The following HDAC4 variants were observed in gnomAD, a reference collection of about 807,000 sequenced individuals.
The protein encoded by HDAC4 is histone deacetylase 4.
A neutral mutation model predicts 135.1 loss-of-function variants in HDAC4; 16 were observed. That is an observed-to-expected ratio of 0.12 (90% CI 0.08 to 0.18). HDAC4 has a LOEUF of 0.18. HDAC4 is among the 10% of genes least tolerant of loss of function. The pLI, the probability that HDAC4 is intolerant of heterozygous loss-of-function variation, is 1.00. For missense variants in HDAC4, 1,143 were observed against 1,511.8 expected (o/e 0.76, Z 4.05); for synonymous variants, 685 against 653.4 (o/e 1.05, Z -0.74).
At chr2:239,072,996 G>A (rs2034353184) in intron 22 of HDAC4, among the ~76,000 whole-genome samples, 1 of 152,190 alleles carries the variant, frequency 6.6e-6, no homozygotes, top group Non-Finnish European at 1.5e-5. Flanking sequence ...AGCACGCGGT[G>A]CCTGATCCTG....
chr2:239,343,387 G>C (rs911079013), intron 2 of HDAC4, among the ~76,000 whole-genome samples: 5 of 152,214 alleles, frequency 3.3e-5, no homozygotes, highest in African/African-American at 7.2e-5. Context: ...CCGGCAAAGA[G>C]AGCTCAGAGA....
At chr2:239,217,189 G>A (rs972499670) in intron 3 of HDAC4, among the ~76,000 whole-genome samples, 20 of 152,152 alleles carry the variant, frequency 1.3e-4, no homozygotes, top group African/African-American at 4.1e-4. Flanking sequence ...CAGCACAGGC[G>A]GTAGCAGGGT....
chr2:239,314,581 TG>T (rs1255747405), intron 2 of HDAC4, among the ~76,000 whole-genome samples: 1 of 152,220 alleles, frequency 6.6e-6, no homozygotes, highest in Non-Finnish European at 1.5e-5. Context: ...ATGATCCAAA[TG>T]GAACTTGTAG....
chr2:239,191,395 A>G (rs2044944347), intron 3 of HDAC4, among the ~76,000 whole-genome samples: 1 of 152,100 alleles, frequency 6.6e-6, no homozygotes, highest in African/African-American at 2.4e-5. Flanking sequence ...GAAAACCTGC[A>G]CTCCACAGTC....
intron 4 of HDAC4, among the ~76,000 whole-genome samples, chr2:239,185,567 G>C (rs568227801): frequency 6.6e-6 from 1 of 152,178 alleles, no homozygotes; most frequent in Admixed American, 6.5e-5. Context: ...CCCTGAGGTG[G>C]GTGCCGGGGC....
At chr2:239,153,558 G>T (rs1173441984) in intron 7 of HDAC4, among the ~76,000 whole-genome samples, 2 of 152,102 alleles carry the variant, frequency 1.3e-5, no homozygotes, top group Non-Finnish European at 2.9e-5. Flanking sequence ...TCTCTTAAGT[G>T]GTTTAAACGT....
At chr2:239,277,781 C>T (rs2050458857) in intron 2 of HDAC4, among the ~76,000 whole-genome samples, 1 of 152,222 alleles carries the variant, frequency 6.6e-6, no homozygotes, top group Non-Finnish European at 1.5e-5. Context: ...CTGCGTTCCA[C>T]AGCAACTCCA....
chr2:239,102,570 T>A, intron 16 of HDAC4: 1 of 597,356 alleles, frequency 1.7e-6, no homozygotes, highest in South Asian at 2.0e-5. Flanking sequence ...AGCCCAGTTT[T>A]TACACAAACA....
chr2:239,248,032 C>T (rs963759267), intron 2 of HDAC4, among the ~76,000 whole-genome samples: 3 of 152,174 alleles, frequency 2.0e-5, no homozygotes, highest in Non-Finnish European at 4.4e-5. Flanking sequence ...GCTCCCCCAG[C>T]GCCCATAACA....
At position 239,285,564 on chromosome 2, in the gene HDAC4, T is replaced by G. The variant is rs1464292190; in HGVS notation, c.23-48900A>C. ...TGGGTAAAAGGGGCTGAGAGAAAGC[T>G]GGCCAAAGGTTGGGCTTTTGAAGTA... On this transcript the variant is annotated intron_variant, in intron 2 of 26. Coordinates refer to ENST00000543185, the MANE Select transcript of HDAC4 (RefSeq NM_001378414.1). This position sits in a 1 kb window ranked among gnomAD's most constrained non-coding sequence, Gnocchi z 4.5. Among the ~76,000 whole-genome samples the G allele has an allele frequency of 6.6e-6, 1 of 152,188 alleles. No individual in the cohort carries two copies.
intron 3 of HDAC4, among the ~76,000 whole-genome samples, chr2:239,195,984 C>A (rs773111392): frequency 7.9e-5 from 12 of 152,186 alleles, no homozygotes; most frequent in Non-Finnish European, 1.3e-4. Context: ...GATTTCATGC[C>A]ATCATACAGA....
intron 5 of HDAC4, among the ~76,000 whole-genome samples, chr2:239,165,479 GGTCT>G (rs1449944514): frequency 6.6e-6 from 1 of 150,992 alleles, no homozygotes; most frequent in African/African-American, 2.5e-5. Context: ...TGGTGTTGTG[GGTCT>G]GTGTGTGTGT....
intron 2 of HDAC4, among the ~76,000 whole-genome samples, chr2:239,257,764 G>A (rs1487584794): frequency 2.6e-5 from 4 of 152,022 alleles, no homozygotes; most frequent in Non-Finnish European, 5.9e-5. Context: ...GCCTCAAACT[G>A]TCTCAACAGA....
intron 1 of HDAC4, among the ~76,000 whole-genome samples, chr2:239,387,187 G>A (rs1044111135): frequency 6.6e-6 from 1 of 152,232 alleles, no homozygotes; most frequent in African/African-American, 2.4e-5. Context: ...AACTTCAGTG[G>A]GAGCTAAAGA....
At chr2:239,116,382 C>T (rs1361404902) in intron 12 of HDAC4, among the ~76,000 whole-genome samples, 1 of 152,230 alleles carries the variant, frequency 6.6e-6, no homozygotes, top group Admixed American at 6.5e-5. Context: ...GCTATTGGGA[C>T]CTCTCTCTGG....
intron 2 of HDAC4, among the ~76,000 whole-genome samples, chr2:239,304,129 C>T (rs2052435816): frequency 6.6e-6 from 1 of 152,222 alleles, no homozygotes; most frequent in Non-Finnish European, 1.5e-5. Context: ...TCTGAGTCAG[C>T]TTTCTTACCT....
At chr2:239,079,721 CGTGT>C (rs747106793) in intron 22 of HDAC4, among the ~76,000 whole-genome samples, 14 of 151,982 alleles carry the variant, frequency 9.2e-5, no homozygotes, top group Non-Finnish European at 1.8e-4. Flanking sequence ...CACAAGCACA[CGTGT>C]GTGTACTCAT....
chr2:239,126,749 G>C, intron 11 of HDAC4, 55 bp from the exon 12 acceptor site: 31 of 1,527,314 alleles, frequency 2.0e-5, no homozygotes, highest in African/African-American at 4.1e-5. Context: ...AGAGAGGAGG[G>C]AGAGAGGGCT....
At chr2:239,255,874 G>C (rs775826612) in intron 2 of HDAC4, among the ~76,000 whole-genome samples, 1 of 152,170 alleles carries the variant, frequency 6.6e-6, no homozygotes, top group Non-Finnish European at 1.5e-5. Context: ...CCCGTCTTTG[G>C]AAACAGCTAC....
Sources: gnomAD v4.1 joint callset for allele counts (sites outside exome capture counted in the v4.1 genomes callset) on GRCh38, gnomAD v4.1.1 for gene constraint, Gnocchi (gnomAD v3.1) non-coding constraint, MANE v1.5 for transcripts, NCBI Gene and HGNC (gene_info 2026-07-23, HGNC 2026-07-21) for gene names.